TSPOAP1: variants seen among roughly 807,000 people sequenced by gnomAD.
TSPOAP1 encodes TSPO associated protein 1.
In TSPOAP1, 87 loss-of-function variants were observed where a neutral mutation model predicts 197.0. The ratio of observed to expected loss-of-function variants is 0.44; its 90% CI spans 0.37 to 0.53. The LOEUF is 0.53. Ranked by LOEUF, TSPOAP1 falls within the 20% of genes least tolerant of loss-of-function variation. The pLI, the probability that TSPOAP1 is intolerant of heterozygous loss-of-function variation, is 0.00. For missense variants in TSPOAP1, 2,174 were observed against 2,411.3 expected, an observed-to-expected ratio of 0.90 and a Z score of 2.06; for synonymous variants, 913 against 998.9, an observed-to-expected ratio of 0.91 and a Z score of 1.62.
At chr17:58,315,889 G>A (rs1250971219) in intron 16 of TSPOAP1, 134 bp downstream of exon 16, 2 of 651,816 alleles carry the variant, frequency 3.1e-6, no homozygotes, top group East Asian at 2.9e-5. Context: ...GCTGGGCAGA[G>A]GGGATGGATG....
chr17:58,323,169 G>A (rs1460441416), intron 7 of TSPOAP1, 129 bp downstream of exon 7: 1 of 1,468,834 alleles, frequency 6.8e-7, no homozygotes, highest in African/African-American at 1.4e-5. Context: ...GCCAGGAAAG[G>A]AAAGGAGCAG....
chr17:58,310,297 C>T (rs1185324184), intron 20 of TSPOAP1, 139 bp from the exon 21 acceptor site: 8 of 1,121,786 alleles, frequency 7.1e-6, no homozygotes, highest in African/African-American at 6.3e-5. Context: ...GGGGGAGGCA[C>T]ACCATGGCTC....
chr17:58,316,233 GGTT>G, intron 15 of TSPOAP1, 101 bp from the exon 16 acceptor site: 1 of 1,182,092 alleles, frequency 8.5e-7, no homozygotes, highest in Non-Finnish European at 1.3e-6. Flanking sequence ...ACGGAGACTT[GGTT>G]GTGGTTGTCC....
Position 58,324,877 on chromosome 17 carries a change from C to G in TSPOAP1, c.876G>C (p.Pro292=), listed in dbSNP as rs1191427491. The G allele has an allele frequency of 6.5e-7, 1 of 1,531,650 alleles. No homozygotes were observed. The highest frequency in any genetic ancestry group is 8.7e-7 in the Non-Finnish European group (1 of 1,144,320). 94.9% of individuals were successfully genotyped at this position (1,531,650 alleles called of 1,614,324 possible). Residue 292 remains proline (P), a synonymous_variant, in exon 5 of 32, where the codon CCG becomes CCC. Coordinates refer to ENST00000343736, the MANE Select transcript of TSPOAP1 (RefSeq NM_004758.4). The surrounding 1 kb of genome is among the most constrained non-coding windows in gnomAD (Gnocchi z 5.8). Reference sequence around the variant, plus strand: ...GGAGAGCAGGGCCCGGGGGCCAGGACGGCGGGAGCGGGAGCGTCTCCCGCT... The same window carrying G: ...GGAGAGCAGGGCCCGGGGGCCAGGAGGGCGGGAGCGGGAGCGTCTCCCGCT... ...RNQRETLPLP[P]SWPPGPALQA... is the part of the protein sequence containing the mutation.
Position 58,306,923 on chromosome 17 carries a change from C to T in TSPOAP1, c.5029G>A (p.Gly1677Arg), listed in dbSNP as rs376642992. 12 of 1,613,360 alleles carry T rather than the reference C, an allele frequency of 7.4e-6. No individual in the cohort carries two copies. Among genetic ancestry groups the T allele is most frequent in the South Asian group, 1.1e-5 (1 of 91,086 alleles). The change falls in exon 25 of 32, where the codon GGG (glycine) becomes AGG (arginine). Residue 1677 changes from glycine (G) to arginine (R), a missense_variant. Around this residue, in one of 5 missense-constraint regions of TSPOAP1, gnomAD observed 161 missense variants for 159.1 expected, o/e 1.01. Transcript: ENST00000343736. ...CAGGGAATGTAGCCTGTCCGGCCCC[C>T]ACCTTCGCCCTGGTAGAAGCCATCG... ...DADGFYQGEG[G>R]GRTGYIPCNM... is the part of the protein sequence containing the mutation.
In TSPOAP1 at chr17:58,302,328, C is replaced by T. The variant is rs1970741346; in HGVS notation, c.*152G>A. The stretch of plus-strand genomic sequence containing the variant: ...GCTGCTTCCCCTTGGAGAAGAAACC[C>T]CACACCTTCTCGCTTCTGCCCTGGG... On this transcript the variant is annotated 3_prime_UTR_variant, in exon 32 of 32. Coordinates refer to ENST00000343736, the MANE Select transcript of TSPOAP1 (RefSeq NM_004758.4). 2.3e-6 allele frequency: 3 copies of T among 1,289,648 alleles called. No homozygotes were observed. The highest frequency in any genetic ancestry group is 3.0e-5 in the African/African-American group (2 of 65,978). 79.9% of individuals were successfully genotyped at this position (1,289,648 alleles called of 1,614,324 possible).
In TSPOAP1 at chr17:58,326,847, G is replaced by A; in HGVS notation, c.334-57C>T. ...CAGAAACCCACGTCACCCAGCCAGA[G>A]CCTTCCCTGTGGAAGCATCCACCAT... On this transcript the variant is annotated intron_variant, in intron 1 of 31. Transcript: ENST00000343736. The surrounding 1 kb of genome is among the most constrained non-coding windows in gnomAD (Gnocchi z 4.7). The A allele has an allele frequency of 2.7e-6, 4 of 1,459,156 alleles. No homozygotes were observed. The highest frequency in any genetic ancestry group is 3.8e-6 in the Non-Finnish European group (4 of 1,041,374). 90.4% of individuals were successfully genotyped at this position (1,459,156 alleles called of 1,614,324 possible).
chr17:58,325,140 C>A, intron 4 of TSPOAP1, 138 bp from the exon 5 acceptor site: 1 of 782,780 alleles, frequency 1.3e-6, no homozygotes, highest in Non-Finnish European at 2.0e-6. Context: ...TGGGTACATG[C>A]CTGGTTACAT....
chr17:58,324,679 C>T lies in TSPOAP1; in HGVS notation c.942+132G>A. On this transcript the variant is annotated intron_variant, in intron 5 of 31. Transcript: ENST00000343736. The surrounding 1 kb of genome is among the most constrained non-coding windows in gnomAD (Gnocchi z 5.8). Reference sequence around the variant, plus strand: ...GACCCTGCCCAGGACGGGAAAGCTCCCCAGCCCCTGGGAGTGCGCACACCA... The same window carrying T: ...GACCCTGCCCAGGACGGGAAAGCTCTCCAGCCCCTGGGAGTGCGCACACCA... The T allele has an allele frequency of 1.3e-6, 1 of 784,022 alleles. No individual in the cohort carries two copies. The highest frequency in any genetic ancestry group is 1.8e-6 in the Non-Finnish European group (1 of 550,726). The allele number at this position is 784,022 out of a possible 1,614,324, so 48.6% of individuals were successfully genotyped here.
At chr17:58,311,345 C>A in intron 18 of TSPOAP1, 132 bp from the exon 19 acceptor site, 1 of 1,346,026 alleles carries the variant, frequency 7.4e-7, no homozygotes, top group Non-Finnish European at 1.0e-6. Flanking sequence ...GCTAAGCCCT[C>A]TGCATGGCCT....
intron 6 of TSPOAP1, 41 bp from the exon 7 acceptor site, chr17:58,323,422 C>T (rs1347963753): frequency 1.2e-6 from 2 of 1,614,110 alleles, no homozygotes; most frequent in African/African-American, 1.3e-5. Flanking sequence ...AGGGAAGGTA[C>T]ATCTGCCCAC....
At chr17:58,316,882 G>A (rs972995593) in intron 14 of TSPOAP1, among the ~76,000 whole-genome samples, 1 of 152,228 alleles carries the variant, frequency 6.6e-6, no homozygotes, top group African/African-American at 2.4e-5. Flanking sequence ...CAGAAGTTTG[G>A]TTTGGTTCCT....
At chr17:58,305,491 G>A in intron 28 of TSPOAP1, 33 bp from the exon 29 acceptor site, 1 of 1,613,110 alleles carries the variant, frequency 6.2e-7, no homozygotes, top group Non-Finnish European at 8.5e-7. Context: ...ATCAGGCCCA[G>A]GAAGGCTCTG....
At position 58,309,910 on chromosome 17, in the gene TSPOAP1, T is replaced by C. The variant is rs777679308; in HGVS notation, c.3891+57A>G. The C allele has an allele frequency of 9.6e-6, 15 of 1,554,916 alleles. No individual in the cohort carries two copies. The highest frequency in any genetic ancestry group is 1.2e-5 in the Non-Finnish European group (14 of 1,149,426). ...GGTCAGAGCACCTGCTGACACACAG[T>C]GGGGAGGCCCCGGAGTTTGAGGCCT... On this transcript the variant is annotated intron_variant, in intron 21 of 31. Transcript: ENST00000343736. This position sits in a 1 kb window ranked among gnomAD's most constrained non-coding sequence, Gnocchi z 5.0.
At position 58,325,698 on chromosome 17, in the gene TSPOAP1, G is replaced by T; in HGVS notation, c.586C>A (p.Pro196Thr). The T allele has an allele frequency of 6.2e-7, 1 of 1,609,864 alleles. No individual in the cohort carries two copies. Among genetic ancestry groups the T allele is most frequent in the Non-Finnish European group, 8.5e-7 (1 of 1,178,506 alleles). Residue 196 changes from proline (P) to threonine (T), a missense_variant, in exon 4 of 32, where the codon CCC becomes ACC. Around this residue, in one of 5 missense-constraint regions of TSPOAP1, gnomAD observed 1,933 missense variants for 2,139.0 expected, o/e 0.90. Transcript: ENST00000343736. Reference sequence around the variant, plus strand: ...AACTCCAAGCTGGTCCCCGGCCGGGGCAAGGGGGCACTCACCTAGCCAGAG... The same window carrying T: ...AACTCCAAGCTGGTCCCCGGCCGGGTCAAGGGGGCACTCACCTAGCCAGAG... ...TNLRVVSAPL[P>T]RPGTSLELCR...
At chr17:58,315,020 G>C (rs1971185362) in intron 16 of TSPOAP1, among the ~76,000 whole-genome samples, 1 of 152,202 alleles carries the variant, frequency 6.6e-6, no homozygotes, top group South Asian at 2.1e-4. Context: ...TTATGCCTTT[G>C]CTGCCCCCTC....
chr17:58,309,002 G>A lies in TSPOAP1; in HGVS notation c.4270C>T (p.Pro1424Ser), dbSNP rs1970998086. The A allele has an allele frequency of 1.2e-6, 2 of 1,612,620 alleles. No homozygotes were observed. The highest frequency in any genetic ancestry group is 2.7e-5 in the African/African-American group (2 of 74,920). Reference sequence around the variant, plus strand: ...AGAAGTCGGCTGCAGTGTTCTCGGGGATCTGGAGGCCGCCTGCGGCTTGGG... The same window carrying A: ...AGAAGTCGGCTGCAGTGTTCTCGGGAATCTGGAGGCCGCCTGCGGCTTGGG... ...KPPSRRRPPD[P>S]REHCSRLLSN... Residue 1424 changes from proline to serine, a missense_variant, in exon 22 of 32, where the codon CCC becomes TCC. Physicochemically the swap from Pro to Ser is moderately conservative, Grantham distance 74. Around this residue, in one of 5 missense-constraint regions of TSPOAP1, gnomAD observed 1,933 missense variants for 2,139.0 expected, o/e 0.90. Transcript: ENST00000343736. This position sits in a 1 kb window ranked among gnomAD's most constrained non-coding sequence, Gnocchi z 5.0.
rs1260572144 is a variant in TSPOAP1, at chr17:58,324,988, C to A, written c.765G>T (p.Trp255Cys). Residue 255 changes from tryptophan (W) to cysteine (C), a missense_variant, in exon 5 of 32, where the codon TGG becomes TGT. Physicochemically the swap from Trp to Cys is radical, Grantham distance 215. This residue lies in a region of TSPOAP1 where 1,933 missense variants were observed against 2,139.0 expected (regional missense o/e 0.90). Coordinates refer to ENST00000343736, the MANE Select transcript of TSPOAP1 (RefSeq NM_004758.4). This position sits in a 1 kb window ranked among gnomAD's most constrained non-coding sequence, Gnocchi z 5.8. ...GCCGATCGAAGTCCCGCACGTGGAG[C>A]CACTGGGGACCCTCCTGAGGTTGGG... ...LTLVGKEGPQ[W>C]LHVRDFDRLL... 2.0e-6 allele frequency: 3 copies of A among 1,534,098 alleles called. No individual in the cohort carries two copies. The highest frequency in any genetic ancestry group is 2.4e-5 in the South Asian group (2 of 82,636).
rs1277895481 is a variant in TSPOAP1 at position 58,311,680 on chromosome 17, G to T, written c.2972C>A (p.Pro991His). 6.2e-7 allele frequency: 1 copy of T among 1,606,130 alleles called. No homozygotes were observed. The highest frequency in any genetic ancestry group is 1.1e-5 in the South Asian group (1 of 90,318). The change falls in exon 18 of 32, where the codon CCC becomes CAC. Residue 991 changes from proline to histidine, a missense_variant. Coordinates refer to ENST00000343736, the MANE Select transcript of TSPOAP1 (RefSeq NM_004758.4). ...APLDVQIEPG[P>H]SPGILIISWL... Reference sequence around the variant, plus strand: ...ACTGATGATCAAGATCCCAGGGGAGGGCCCAGGCTCGATCTGCACATCCAG... The same window carrying T: ...ACTGATGATCAAGATCCCAGGGGAGTGCCCAGGCTCGATCTGCACATCCAG...
Sources: gnomAD v4.1 joint callset for allele counts (sites outside exome capture counted in the v4.1 genomes callset) on GRCh38, gnomAD v4.1.1 for gene constraint, gnomAD v4.1.1 regional missense constraint, Gnocchi (gnomAD v3.1) non-coding constraint, MANE v1.5 for transcripts, NCBI Gene and HGNC (gene_info 2026-07-23, HGNC 2026-07-21) for gene names.